The following SSH2 variants were observed in gnomAD, a reference collection of about 807,000 sequenced individuals.
SSH2 encodes slingshot protein phosphatase 2.
Under a neutral mutation model 135.2 loss-of-function variants are expected in SSH2, and 37 were observed. That is an observed-to-expected ratio of 0.27 (90% CI 0.21 to 0.36). The LOEUF (loss-of-function observed/expected upper bound fraction) is 0.36, where lower values mean the gene tolerates loss of function less well. Among genes scored for constraint, SSH2 ranks in the 10% least tolerant of loss-of-function variants. The pLI, the probability that SSH2 is intolerant of heterozygous loss-of-function variation, is 1.00. For missense variants in SSH2, 1,408 were observed against 1,765.3 expected (o/e 0.80, Z 3.63); for synonymous variants, 628 against 646.2 (o/e 0.97, Z 0.43).
At chr17:29,873,863 A>C (rs1199183629) in intron 1 of SSH2, among the ~76,000 whole-genome samples, 2 of 152,220 alleles carry the variant, frequency 1.3e-5, no homozygotes, top group African/African-American at 2.4e-5. Context: ...TTCTAGGGAA[A>C]GTTCTTGGCA....
chr17:29,723,442 C>G (rs547224439), intron 3 of SSH2, among the ~76,000 whole-genome samples: 1 of 152,092 alleles, frequency 6.6e-6, no homozygotes, highest in East Asian at 1.9e-4. Context: ...CCCAGTGTAA[C>G]GCTATATACA....
intron 3 of SSH2, among the ~76,000 whole-genome samples, chr17:29,775,004 G>A (rs1289945593): frequency 6.6e-6 from 1 of 152,020 alleles, no homozygotes; most frequent in South Asian, 2.1e-4. Flanking sequence ...TGTTTTCCTT[G>A]TTCCCTTCCA....
intron 3 of SSH2, among the ~76,000 whole-genome samples, chr17:29,783,589 C>G (rs955095601): frequency 6.6e-6 from 1 of 152,020 alleles, no homozygotes; most frequent in African/African-American, 2.4e-5. Context: ...ATTGTGCCCA[C>G]CAGATTAACT....
intron 1 of SSH2, among the ~76,000 whole-genome samples, chr17:29,852,101 G>A (rs1479809319): frequency 2.6e-5 from 4 of 151,832 alleles, no homozygotes; most frequent in African/African-American, 9.7e-5. Flanking sequence ...GCCCAACATG[G>A]TGAAAACCCG....
In SSH2 at chr17:29,712,608, C is replaced by T. The variant is rs149057240; in HGVS notation, c.189-9546G>A. Among the ~76,000 whole-genome samples, 27 of 152,044 alleles carry T rather than the reference C, an allele frequency of 1.8e-4. No homozygotes were observed. In the East Asian group the frequency reaches 4.1e-3, roughly 23 times the overall value. ...CACTTGAGGTCAGGAGTTCGAGACCCGCCTGGCCAACATGGTGAAACCCCA... is the reference window on the plus strand; with the variant it reads ...CACTTGAGGTCAGGAGTTCGAGACCTGCCTGGCCAACATGGTGAAACCCCA... On this transcript the variant is annotated intron_variant, in intron 3 of 15. Transcript: ENST00000540801.
intron 5 of SSH2, among the ~76,000 whole-genome samples, chr17:29,689,273 G>A (rs771846984): frequency 3.3e-5 from 5 of 152,054 alleles, no homozygotes; most frequent in Non-Finnish European, 5.9e-5. Context: ...GGTTTATTTC[G>A]TATTCCTCTG....
intron 9 of SSH2, among the ~76,000 whole-genome samples, chr17:29,670,689 G>A (rs2037458084): frequency 6.6e-6 from 1 of 152,170 alleles, no homozygotes. Context: ...CAGGAGAATT[G>A]CTTGAACCCG....
chr17:29,670,810 A>G (rs1479722554), intron 9 of SSH2, among the ~76,000 whole-genome samples: 1 of 152,142 alleles, frequency 6.6e-6, no homozygotes, highest in Non-Finnish European at 1.5e-5. Context: ...TGTTAAAAAA[A>G]ACCCAAAAAC....
At chr17:29,643,034 G>C in intron 14 of SSH2, 1 of 749,812 alleles carries the variant, frequency 1.3e-6, no homozygotes, top group Non-Finnish European at 1.6e-6. Context: ...CTAAACACTT[G>C]GACAGGAAAT....
chr17:29,688,361 G>A (rs534357506), intron 5 of SSH2, among the ~76,000 whole-genome samples: 60 of 152,184 alleles, frequency 3.9e-4, no homozygotes, highest in Middle Eastern at 3.4e-3. Context: ...CAAATGTTTG[G>A]CTCTCCCTTG....
Position 29,756,452 on chromosome 17 carries a change from A to G in SSH2, c.188+37442T>C, listed in dbSNP as rs773664392. 1.1e-3 allele frequency among the ~76,000 whole-genome samples: 162 copies of G among 142,514 alleles called. 2 individuals are homozygous for G. The highest frequency in any genetic ancestry group is 5.1e-3 in the South Asian group (22 of 4,348). The allele number at this position is 142,514 out of a possible 152,430, so 93.5% of individuals were successfully genotyped here. ...CACCTGCCTGCCTGCCTGCCTGCCT[A>G]TCTGTCTATCTATCCATCCACCCAC... is the stretch of plus-strand genomic sequence containing the variant. On this transcript the variant is annotated intron_variant, in intron 3 of 15. Coordinates refer to ENST00000540801, the MANE Select transcript of SSH2 (RefSeq NM_001282129.2).
chr17:29,715,309 G>C (rs2039583236), intron 3 of SSH2, among the ~76,000 whole-genome samples: 1 of 150,636 alleles, frequency 6.6e-6, no homozygotes, highest in African/African-American at 2.4e-5. Flanking sequence ...GCAGTGGCGT[G>C]ATCTTGGCTC....
chr17:29,743,838 A>G (rs2040653561), intron 3 of SSH2, among the ~76,000 whole-genome samples: 1 of 150,832 alleles, frequency 6.6e-6, no homozygotes, highest in African/African-American at 2.4e-5. Context: ...AGTTTCTCTT[A>G]CCTAGTTTCA....
chr17:29,839,014 G>T (rs2042994457), intron 2 of SSH2: 1 of 152,470 alleles, frequency 6.6e-6, no homozygotes, highest in African/African-American at 2.4e-5. Context: ...AGCTCAATGA[G>T]CCAGGGTTGT....
chr17:29,673,311 T>C (rs1467146020), intron 8 of SSH2, among the ~76,000 whole-genome samples: 1 of 152,090 alleles, frequency 6.6e-6, no homozygotes, highest in Non-Finnish European at 1.5e-5. Context: ...GGCTCACGCC[T>C]GTAATCCTAG....
intron 3 of SSH2, among the ~76,000 whole-genome samples, chr17:29,725,919 A>T (rs911273916): frequency 5.3e-5 from 8 of 152,186 alleles, no homozygotes; most frequent in African/African-American, 1.9e-4. Flanking sequence ...AGAAAATTTA[A>T]AAAAAGCCAG....
intron 3 of SSH2, among the ~76,000 whole-genome samples, chr17:29,789,229 G>A (rs887632456): frequency 6.6e-6 from 1 of 152,194 alleles, no homozygotes; most frequent in African/African-American, 2.4e-5. Context: ...GAATAGTTAA[G>A]CAAAAGGGAA....
At chr17:29,667,063 T>G in intron 10 of SSH2, 67 bp downstream of exon 10, 3 of 1,609,478 alleles carry the variant, frequency 1.9e-6, no homozygotes, top group Non-Finnish European at 2.6e-6. Context: ...ATGCACTATT[T>G]CCAGCCCCAC....
At chr17:29,745,931 T>C (rs1242628464) in intron 3 of SSH2, among the ~76,000 whole-genome samples, 6 of 152,214 alleles carry the variant, frequency 3.9e-5, no homozygotes, top group African/African-American at 1.4e-4. Flanking sequence ...GCACTATTAC[T>C]GTTAGGTACA....
Sources: gnomAD v4.1 joint callset for allele counts (sites outside exome capture counted in the v4.1 genomes callset) on GRCh38, gnomAD v4.1.1 for gene constraint, MANE v1.5 for transcripts, NCBI Gene and HGNC (gene_info 2026-07-23, HGNC 2026-07-21) for gene names.